The following IQCM variants were observed in gnomAD, a reference collection of about 807,000 sequenced individuals.
The protein encoded by IQCM is IQ domain-containing protein M.
In IQCM, 45 loss-of-function variants were observed where a neutral mutation model predicts 57.6. The observed-to-expected ratio is 0.78, with a 90% CI of 0.62 to 1.00. IQCM has a LOEUF of 1.00. IQCM is among the 50% of genes least tolerant of loss of function. The pLI, the probability that IQCM is intolerant of heterozygous loss-of-function variation, is 0.00. For synonymous variants in IQCM, 148 were observed against 158.9 expected (o/e 0.93, Z 0.51); for missense variants, 468 against 511.6 (o/e 0.91, Z 0.82).
chr4:149,730,777 T>C (rs889076973), intron 5 of IQCM, among the ~76,000 whole-genome samples: 2 of 152,230 alleles, frequency 1.3e-5, no homozygotes, highest in African/African-American at 4.8e-5. Context: ...GTATGAGTCA[T>C]ACTATAATTG....
At chr4:149,404,233 C>G (rs1338816643) in intron 13 of IQCM, among the ~76,000 whole-genome samples, 1 of 151,978 alleles carries the variant, frequency 6.6e-6, no homozygotes, top group Admixed American at 6.6e-5. Context: ...TAGATAGAGG[C>G]AACCCCAGCT....
chr4:149,538,403 T>C (rs1283391063), intron 12 of IQCM, among the ~76,000 whole-genome samples: 1 of 151,864 alleles, frequency 6.6e-6, no homozygotes, highest in Non-Finnish European at 1.5e-5. Flanking sequence ...TAAAAATTCC[T>C]GGTATGATTA....
intron 7 of IQCM, among the ~76,000 whole-genome samples, chr4:149,663,298 A>G (rs1760389025): frequency 1.3e-5 from 2 of 151,678 alleles, no homozygotes; most frequent in South Asian, 4.1e-4. Flanking sequence ...TTTACTTTAA[A>G]CTTTTATACT....
chr4:149,596,191 G>T lies in IQCM; in HGVS notation c.682-8194C>A, dbSNP rs533283338. 4.6e-5 allele frequency among the ~76,000 whole-genome samples: 7 copies of T among 152,210 alleles called. No homozygotes were observed. The South Asian group carries it at 1.4e-3, about 32-fold the overall frequency. On this transcript the variant is annotated intron_variant, in intron 8 of 13. Transcript: ENST00000636793. ...GCATCCCAATATAAGCCCCTGTAAA[G>T]GTTGGAATCTATTTGAAAAAAGATA...
At chr4:149,813,866 T>C (rs769484907) in intron 2 of IQCM, among the ~76,000 whole-genome samples, 4 of 151,960 alleles carry the variant, frequency 2.6e-5, no homozygotes, top group African/African-American at 7.2e-5. Context: ...TAGCACAGAG[T>C]GCCACTTGGA....
chr4:149,704,241 T>C (rs1277084949), intron 5 of IQCM, among the ~76,000 whole-genome samples: 1 of 151,796 alleles, frequency 6.6e-6, no homozygotes, highest in African/African-American at 2.4e-5. Flanking sequence ...AGAAAAAATA[T>C]AAATAGAAGC....
intron 13 of IQCM, among the ~76,000 whole-genome samples, chr4:149,394,696 T>A (rs1373843911): frequency 6.6e-6 from 1 of 151,918 alleles, no homozygotes; most frequent in Non-Finnish European, 1.5e-5. Flanking sequence ...TCAACTAAAA[T>A]CCAATGCCAC....
Position 149,764,546 on chromosome 4 carries a change from C to T in IQCM, c.-48-21807G>A, listed in dbSNP as rs528193410. 7.2e-5 allele frequency among the ~76,000 whole-genome samples: 11 copies of T among 152,270 alleles called. No homozygotes were observed. The South Asian group carries it at 1.4e-3, about 20-fold the overall frequency. On this transcript the variant is annotated intron_variant, in intron 2 of 13. Transcript: ENST00000636793. The stretch of plus-strand genomic sequence containing the variant: ...TGTGAAGAGAGTATTTAAGCATCAC[C>T]GTCTGGCCCCTCTTTAAGTTCACAT...
At chr4:149,590,469 T>A (rs1331748591) in intron 8 of IQCM, among the ~76,000 whole-genome samples, 1 of 151,944 alleles carries the variant, frequency 6.6e-6, no homozygotes, top group Non-Finnish European at 1.5e-5. Flanking sequence ...TTTATTATTA[T>A]ACTTTAAGTT....
At chr4:149,553,401 T>C in intron 10 of IQCM, 114 bp from the exon 11 acceptor site, 2 of 847,560 alleles carry the variant, frequency 2.4e-6, no homozygotes, top group Non-Finnish European at 3.1e-6. Flanking sequence ...GTATTTATTG[T>C]TTATTGCCTA....
intron 5 of IQCM, among the ~76,000 whole-genome samples, chr4:149,691,421 G>C (rs1013917236): frequency 6.6e-6 from 1 of 152,274 alleles, no homozygotes; most frequent in Non-Finnish European, 1.5e-5. Context: ...GAGGGGAGCA[G>C]TGTAGAGTAT....
chr4:149,398,734 T>C (rs915524719), intron 13 of IQCM, among the ~76,000 whole-genome samples: 2 of 151,970 alleles, frequency 1.3e-5, no homozygotes, highest in Non-Finnish European at 2.9e-5. Flanking sequence ...TGAGACAGGG[T>C]CTAGCTATGT....
intron 13 of IQCM, among the ~76,000 whole-genome samples, chr4:149,379,171 G>A (rs995025386): frequency 6.6e-6 from 1 of 152,224 alleles, no homozygotes; most frequent in Non-Finnish European, 1.5e-5. Flanking sequence ...TTTGTTGCAG[G>A]AGCAGACACT....
rs139681948 is a variant in IQCM at position 149,681,937 on chromosome 4, A to G, written c.565+181T>C. ...AAATCCAGTCTCTCAATTTCAGATAAAGGCATGGAAAACTAGTTATTAGTA... is the reference window on the plus strand; with the variant it reads ...AAATCCAGTCTCTCAATTTCAGATAGAGGCATGGAAAACTAGTTATTAGTA... On this transcript the variant is annotated intron_variant, in intron 7 of 13. Coordinates refer to ENST00000636793, the MANE Select transcript of IQCM (RefSeq NM_001363507.2). Among the ~76,000 whole-genome samples the G allele has an allele frequency of 6.2e-3, 935 of 150,768 alleles. 10 individuals are homozygous for G. The highest frequency in any genetic ancestry group is 0.011 in the Non-Finnish European group (708 of 67,098).
intron 12 of IQCM, among the ~76,000 whole-genome samples, chr4:149,517,114 GAA>G (rs34555374): frequency 1.2e-5 from 1 of 83,896 alleles, no homozygotes; most frequent in African/African-American, 5.0e-5. Context: ...ACTCCACCAG[GAA>G]AAAAAAAAAA....
At chr4:149,800,097 A>G (rs1268453571) in intron 2 of IQCM, among the ~76,000 whole-genome samples, 7 of 151,938 alleles carry the variant, frequency 4.6e-5, no homozygotes, top group Non-Finnish European at 7.4e-5. Context: ...AAAATCCTCA[A>G]CAAAATACTA....
intron 12 of IQCM, among the ~76,000 whole-genome samples, chr4:149,490,489 A>C (rs1741981041): frequency 6.6e-6 from 1 of 152,128 alleles, no homozygotes; most frequent in South Asian, 2.1e-4. Context: ...TCAATAGAAA[A>C]TAAAAAACAT....
chr4:149,432,655 CT>C (rs1239374247), intron 13 of IQCM, among the ~76,000 whole-genome samples: 1 of 151,882 alleles, frequency 6.6e-6, no homozygotes, highest in Non-Finnish European at 1.5e-5. Flanking sequence ...AAATTGAAAA[CT>C]TCTGCTCTTC....
rs10024877 is a variant in IQCM, at chr4:149,811,718, C to A, written c.-49+3593G>T. 4.5e-3 allele frequency among the ~76,000 whole-genome samples: 678 copies of A among 152,278 alleles called. 5 individuals carry two copies. Among genetic ancestry groups the A allele is most frequent in the African/African-American group, 0.015 (631 of 41,556 alleles). On this transcript the variant is annotated intron_variant, in intron 2 of 13. Transcript: ENST00000636793. ...TCAGGCTTGCCTTATACTGAACAAT[C>A]CCGAGGACTAAATTATTTCCTTTTT... is the stretch of plus-strand genomic sequence containing the variant.
Sources: allele counts gnomAD v4.1 joint callset (sites outside exome capture counted in the v4.1 genomes callset), GRCh38; gene constraint gnomAD v4.1.1; transcripts MANE v1.5; gene names NCBI Gene and HGNC (gene_info 2026-07-23, HGNC 2026-07-21).